UNC79: variants seen among roughly 807,000 people sequenced by gnomAD.
UNC79 encodes the protein unc-79 subunit of NALCN channel complex, also known as protein unc-79 homolog.
A neutral mutation model predicts 283.1 loss-of-function variants in UNC79; 37 were observed. The ratio of observed to expected loss-of-function variants is 0.13; its 90% CI spans 0.10 to 0.17. UNC79 has a LOEUF of 0.17. UNC79 is among the 10% of genes least tolerant of loss of function. The pLI is 1.00. For synonymous variants in UNC79, 1,107 were observed against 1,200.2 expected (o/e 0.92, Z 1.61); for missense variants, 2,272 against 3,211.1 (o/e 0.71, Z 7.07).
chr14:93,357,811 ATATATATATGGATATATGGATATG>A (rs767813035), intron 1 of UNC79, among the ~76,000 whole-genome samples: 5 of 70,630 alleles, frequency 7.1e-5, no homozygotes, highest in Admixed American at 3.1e-4. Flanking sequence ...ATATATGGAT[ATATATATATGGATATATGGATATG>A]TATATATATG....
At chr14:93,378,268 G>A (rs1224115319) in intron 1 of UNC79, among the ~76,000 whole-genome samples, 3 of 152,202 alleles carry the variant, frequency 2.0e-5, no homozygotes, top group Admixed American at 6.5e-5. Context: ...CTTGCCCAGA[G>A]ACCTGTATTG....
At chr14:93,445,295 T>C (rs992983042) in intron 1 of UNC79, among the ~76,000 whole-genome samples, 3 of 152,216 alleles carry the variant, frequency 2.0e-5, no homozygotes, top group African/African-American at 7.2e-5. Flanking sequence ...GTATGCCTTT[T>C]ATTTCTTTTT....
At chr14:93,353,356 C>T (rs1432025117) in intron 1 of UNC79, among the ~76,000 whole-genome samples, 2 of 152,170 alleles carry the variant, frequency 1.3e-5, no homozygotes, top group Non-Finnish European at 2.9e-5. Flanking sequence ...GCATGAGCCA[C>T]TGTGCCCAGC....
chr14:93,687,589 C>A (rs2074343737), intron 43 of UNC79, among the ~76,000 whole-genome samples: 1 of 152,202 alleles, frequency 6.6e-6, no homozygotes, highest in Non-Finnish European at 1.5e-5. Flanking sequence ...TTCTCTGGCT[C>A]TGCTCAGACG....
At chr14:93,671,032 A>G (rs1379368364) in intron 40 of UNC79, among the ~76,000 whole-genome samples, 1 of 152,242 alleles carries the variant, frequency 6.6e-6, no homozygotes, top group East Asian at 1.9e-4. Context: ...ATTGAAACCA[A>G]TTCAACATTC....
rs199902854 is a variant in UNC79, at chr14:93,571,435, TG to T, written c.1756-458del. On this transcript the variant is annotated intron_variant, in intron 14 of 48. Transcript: ENST00000555664. Reference sequence around the variant, plus strand: ...ACGCAGCATAGGGTAAAAAGAGCACTGTGTACTACCGTATTTCCTGTAATGA... The same window carrying T: ...ACGCAGCATAGGGTAAAAAGAGCACTTGTACTACCGTATTTCCTGTAATGA... Among the ~76,000 whole-genome samples the T allele has an allele frequency of 5.0e-3, 768 of 152,340 alleles. 3 individuals carry two copies. The highest frequency in any genetic ancestry group is 0.01 in the Admixed American group (157 of 15,306).
chr14:93,702,014 G>C (rs1309381369), intron 47 of UNC79, among the ~76,000 whole-genome samples: 1 of 152,156 alleles, frequency 6.6e-6, no homozygotes, highest in African/African-American at 2.4e-5. Flanking sequence ...AGGTTAGTTT[G>C]GGTATTTCCC....
intron 7 of UNC79, among the ~76,000 whole-genome samples, chr14:93,501,342 TA>T (rs540076096): frequency 1.4e-4 from 21 of 150,288 alleles, no homozygotes; most frequent in East Asian, 7.9e-4. Context: ...AAAAATAAAT[TA>T]AAAAAAAAAG....
chr14:93,450,680 T>TA (rs1345830164), intron 1 of UNC79, among the ~76,000 whole-genome samples: 2 of 152,138 alleles, frequency 1.3e-5, no homozygotes, highest in African/African-American at 2.4e-5. Flanking sequence ...TCCTAAGTAC[T>TA]AAAAAAATTT....
intron 11 of UNC79, 131 bp from the exon 12 acceptor site, chr14:93,537,858 C>A (rs116422944): frequency 1.2e-6 from 1 of 819,656 alleles, no homozygotes; most frequent in Non-Finnish European, 1.9e-6. Flanking sequence ...GAATAACCTG[C>A]GCTTTGGAAA....
intron 14 of UNC79, among the ~76,000 whole-genome samples, chr14:93,550,903 G>T (rs758794127): frequency 2.1e-4 from 32 of 152,178 alleles, no homozygotes; most frequent in Non-Finnish European, 4.6e-4. Context: ...TTAATATGGG[G>T]CCAAGAGGAC....
chr14:93,687,065 C>T (rs1270815001), intron 43 of UNC79, among the ~76,000 whole-genome samples: 2 of 152,188 alleles, frequency 1.3e-5, no homozygotes, highest in African/African-American at 2.4e-5. Flanking sequence ...TACCACATAG[C>T]ATCGTTTAAT....
intron 12 of UNC79, among the ~76,000 whole-genome samples, 169 bp from the exon 13 acceptor site, chr14:93,540,491 T>C (rs914591497): frequency 6.6e-6 from 1 of 152,192 alleles, no homozygotes; most frequent in South Asian, 2.1e-4. Context: ...TGAGGCATCC[T>C]GGAGTAACTC....
At position 93,446,951 on chromosome 14, in the gene UNC79, A is replaced by C. The variant is rs1282208675; in HGVS notation, c.22+15900A>C. Among the ~76,000 whole-genome samples, 4 of 152,184 alleles carry C rather than the reference A, an allele frequency of 2.6e-5. No individual in the cohort carries two copies. The East Asian group carries it at 7.7e-4, about 29-fold the overall frequency. On this transcript the variant is annotated intron_variant, in intron 1 of 48. Coordinates refer to ENST00000555664, the Ensembl canonical transcript of UNC79. Reference sequence around the variant, plus strand: ...CTACGCATTTGCGGATTTTTGTCTAATTTTTCTAATAGTTGCTGTTAAAGC... The same window carrying C: ...CTACGCATTTGCGGATTTTTGTCTACTTTTTCTAATAGTTGCTGTTAAAGC...
chr14:93,516,621 A>G (rs2060076917), intron 7 of UNC79, among the ~76,000 whole-genome samples: 1 of 151,668 alleles, frequency 6.6e-6, no homozygotes, highest in East Asian at 1.9e-4. Context: ...TAATTTTTGT[A>G]TTTTTAGTAG....
chr14:93,397,796 C>T (rs1471657977), intron 1 of UNC79, among the ~76,000 whole-genome samples: 1 of 138,736 alleles, frequency 7.2e-6, no homozygotes, highest in Non-Finnish European at 1.5e-5. Flanking sequence ...TGGTGGTGTG[C>T]ACCTGGAATT....
intron 1 of UNC79, among the ~76,000 whole-genome samples, chr14:93,410,284 G>C (rs2055308628): frequency 6.6e-6 from 1 of 152,200 alleles, no homozygotes; most frequent in African/African-American, 2.4e-5. Flanking sequence ...CTAGCCAGAG[G>C]GGAATCACCT....
chr14:93,614,146 G>A (rs1325457609), intron 27 of UNC79, among the ~76,000 whole-genome samples: 1 of 151,400 alleles, frequency 6.6e-6, no homozygotes, highest in Non-Finnish European at 1.5e-5. Flanking sequence ...TTTAACAGTT[G>A]TAAGTGTACA....
intron 5 of UNC79, among the ~76,000 whole-genome samples, chr14:93,490,864 A>C (rs964181375): frequency 1.3e-5 from 2 of 152,192 alleles, no homozygotes; most frequent in African/African-American, 2.4e-5. Context: ...ACCCAGTTCC[A>C]AAGCCACTTC....
Sources: gnomAD v4.1 joint callset for allele counts (sites outside exome capture counted in the v4.1 genomes callset) on GRCh38, gnomAD v4.1.1 for gene constraint, MANE v1.5 for transcripts, NCBI Gene and HGNC (gene_info 2026-07-23, HGNC 2026-07-21) for gene names.